GRIK2: variants seen among roughly 807,000 people sequenced by gnomAD.
The protein encoded by GRIK2 is glutamate receptor ionotropic, kainate 2.
A neutral mutation model predicts 100.3 loss-of-function variants in GRIK2; 32 were observed. The observed-to-expected ratio is 0.32, with a 90% CI of 0.24 to 0.43. GRIK2 has a LOEUF of 0.43. Among genes scored for constraint, GRIK2 ranks in the 20% least tolerant of loss-of-function variants. The pLI is 1.00. For missense variants in GRIK2, 843 were observed against 1,114.9 expected (o/e 0.76, Z 3.47); for synonymous variants, 417 against 389.4 (o/e 1.07, Z -0.83).
At chr6:101,594,106 T>C (rs1778798130) in intron 2 of GRIK2, among the ~76,000 whole-genome samples, 1 of 151,892 alleles carries the variant, frequency 6.6e-6, no homozygotes, top group Non-Finnish European at 1.5e-5. Context: ...AAATGAGTTA[T>C]TACTTTTCTT....
chr6:101,723,314 G>A (rs1774622089), intron 7 of GRIK2, among the ~76,000 whole-genome samples: 1 of 151,922 alleles, frequency 6.6e-6, no homozygotes, highest in Non-Finnish European at 1.5e-5. Context: ...CTAAAAGACA[G>A]TGTTTATCCA....
At chr6:102,065,489 C>T (rs1451544379) in intron 16 of GRIK2, among the ~76,000 whole-genome samples, 2 of 150,298 alleles carry the variant, frequency 1.3e-5, no homozygotes, top group Non-Finnish European at 3.0e-5. Flanking sequence ...CTTGTATGCA[C>T]ATGTGTAAGA....
At chr6:101,436,030 C>A (rs908835237) in intron 2 of GRIK2, among the ~76,000 whole-genome samples, 2 of 151,952 alleles carry the variant, frequency 1.3e-5, no homozygotes, top group African/African-American at 4.8e-5. Context: ...AAGTTATATT[C>A]TTTATCCTTT....
intron 2 of GRIK2, among the ~76,000 whole-genome samples, chr6:101,546,992 A>C (rs2518312): frequency 5.4e-4 from 81 of 149,502 alleles, no homozygotes; most frequent in Non-Finnish European, 9.1e-4. Context: ...CACTACGCCC[A>C]GCTAATTTTT....
intron 9 of GRIK2, among the ~76,000 whole-genome samples, chr6:101,806,784 C>T (rs1781035587): frequency 6.6e-6 from 1 of 151,754 alleles, no homozygotes; most frequent in Admixed American, 6.6e-5. Context: ...AATATTACTT[C>T]CTTAGATAGG....
At chr6:101,822,244 A>ACG (rs60767411) in intron 10 of GRIK2, among the ~76,000 whole-genome samples, 2 of 148,244 alleles carry the variant, frequency 1.3e-5, no homozygotes, top group Non-Finnish European at 3.0e-5. Flanking sequence ...ACACACACAC[A>ACG]AACACATACA....
intron 11 of GRIK2, among the ~76,000 whole-genome samples, chr6:101,864,062 G>T: frequency 6.7e-6 from 1 of 149,824 alleles, no homozygotes; most frequent in African/African-American, 2.5e-5. Context: ...GCGTGAACCC[G>T]GGAAGCGGAG....
intron 10 of GRIK2, among the ~76,000 whole-genome samples, chr6:101,823,352 T>C (rs1281279536): frequency 1.4e-5 from 2 of 140,022 alleles, no homozygotes; most frequent in Admixed American, 1.4e-4. Context: ...ACATTTATTT[T>C]ATATATTTTT....
chr6:101,448,772 C>G (rs955730832), intron 2 of GRIK2, among the ~76,000 whole-genome samples: 3 of 151,446 alleles, frequency 2.0e-5, no homozygotes, highest in Non-Finnish European at 3.0e-5. Flanking sequence ...AAACACACAT[C>G]AATTTAAAAT....
intron 2 of GRIK2, among the ~76,000 whole-genome samples, chr6:101,409,848 T>A (rs574872829): frequency 6.6e-6 from 1 of 152,204 alleles, no homozygotes; most frequent in South Asian, 2.1e-4. Flanking sequence ...AAATAATATT[T>A]ATTATCACTC....
intron 16 of GRIK2, among the ~76,000 whole-genome samples, chr6:102,056,695 C>T (rs913415151): frequency 4.6e-5 from 7 of 151,728 alleles, no homozygotes; most frequent in African/African-American, 7.2e-5. Context: ...GTGTTTGTAC[C>T]TTTAGAAATA....
intron 2 of GRIK2, among the ~76,000 whole-genome samples, chr6:101,506,429 T>C (rs1774029799): frequency 6.6e-6 from 1 of 152,192 alleles, no homozygotes; most frequent in Non-Finnish European, 1.5e-5. Flanking sequence ...CAAACATATT[T>C]AATTTAAATG....
chr6:101,569,014 A>G (rs865971303), intron 2 of GRIK2, among the ~76,000 whole-genome samples: 1 of 152,058 alleles, frequency 6.6e-6, no homozygotes, highest in East Asian at 1.9e-4. Flanking sequence ...AGGACCCTCC[A>G]TGAAAAAGTC....
At chr6:101,746,396 G>T (rs1183263879) in intron 7 of GRIK2, among the ~76,000 whole-genome samples, 1 of 151,996 alleles carries the variant, frequency 6.6e-6, no homozygotes, top group East Asian at 1.9e-4. Flanking sequence ...GCATGATCTC[G>T]GCTCACTGCA....
intron 14 of GRIK2, among the ~76,000 whole-genome samples, chr6:101,982,728 T>C (rs1423046044): frequency 2.6e-5 from 4 of 151,314 alleles, no homozygotes; most frequent in Non-Finnish European, 4.4e-5. Flanking sequence ...GGTGTCTGGA[T>C]TAGACATAAG....
intron 8 of GRIK2, among the ~76,000 whole-genome samples, chr6:101,799,992 A>G (rs1421487479): frequency 6.6e-6 from 1 of 152,104 alleles, no homozygotes; most frequent in Non-Finnish European, 1.5e-5. Context: ...CTATCAAAGT[A>G]TCTATGAGGG....
chr6:101,677,438 A>G (rs1349713321), intron 5 of GRIK2, among the ~76,000 whole-genome samples: 4 of 152,118 alleles, frequency 2.6e-5, no homozygotes, highest in Admixed American at 1.3e-4. Context: ...CAAACAAACA[A>G]AACCTTCTAA....
chr6:101,747,468 G>A (rs1395501783), intron 7 of GRIK2, among the ~76,000 whole-genome samples: 1 of 152,128 alleles, frequency 6.6e-6, no homozygotes, highest in African/African-American at 2.4e-5. Flanking sequence ...CTTGGTGAAT[G>A]ACTAGCTTTG....
chr6:101,431,659 A>T (rs535728669), intron 2 of GRIK2: 1 of 152,220 alleles, frequency 6.6e-6, no homozygotes, highest in Non-Finnish European at 1.5e-5. Context: ...AACAAAGTTA[A>T]CTTATGGTAT....
Sources: allele counts gnomAD v4.1 joint callset (sites outside exome capture counted in the v4.1 genomes callset), GRCh38; gene constraint gnomAD v4.1.1; transcripts MANE v1.5; gene names NCBI Gene and HGNC (gene_info 2026-07-23, HGNC 2026-07-21).